GALNTL6: variants seen among roughly 807,000 people sequenced by gnomAD.
GALNTL6 encodes the protein polypeptide N-acetylgalactosaminyltransferase-like 6.
A neutral mutation model predicts 73.7 loss-of-function variants in GALNTL6; 46 were observed. The ratio of observed to expected loss-of-function variants is 0.62; its 90% confidence interval spans 0.49 to 0.80. The LOEUF is 0.80. Among genes scored for constraint, GALNTL6 ranks in the 30% least tolerant of loss-of-function variants. GALNTL6 has a pLI of 0.00. For synonymous variants in GALNTL6, 259 were observed against 263.7 expected (o/e 0.98, Z 0.17); for missense variants, 604 against 755.0 (o/e 0.80, Z 2.34).
At chr4:172,166,960 T>C (rs932216773) in intron 2 of GALNTL6, among the ~76,000 whole-genome samples, 11 of 152,178 alleles carry the variant, frequency 7.2e-5, no homozygotes, top group African/African-American at 2.7e-4. Context: ...AACAGAGCAT[T>C]GGAGTAGGAA....
At chr4:172,472,897 T>C (rs1472183462) in intron 5 of GALNTL6, among the ~76,000 whole-genome samples, 3 of 152,172 alleles carry the variant, frequency 2.0e-5, no homozygotes, top group Non-Finnish European at 4.4e-5. Context: ...CCCCATTTTA[T>C]GGTACTTTGT....
At position 172,327,083 on chromosome 4, in the gene GALNTL6, A is replaced by G. The variant is rs1307354911; in HGVS notation, c.386+15331A>G. Among the ~76,000 whole-genome samples the G allele has an allele frequency of 2.0e-5, 3 of 152,062 alleles. No individual in the cohort carries two copies. In the East Asian group the frequency reaches 5.8e-4, roughly 29 times the overall value. On this transcript the variant is annotated intron_variant, in intron 4 of 12. Transcript: ENST00000506823. Reference sequence around the variant, plus strand: ...CGATTAGATTAATATTTTTAAGTGAATAGATACTAATAAAAGTTACTTTAA... The same window carrying G: ...CGATTAGATTAATATTTTTAAGTGAGTAGATACTAATAAAAGTTACTTTAA...
chr4:171,985,476 G>A (rs1005883269), intron 2 of GALNTL6, among the ~76,000 whole-genome samples: 2 of 152,130 alleles, frequency 1.3e-5, no homozygotes, highest in Non-Finnish European at 2.9e-5. Flanking sequence ...TGAGATTTGG[G>A]TGAGGACACA....
intron 5 of GALNTL6, among the ~76,000 whole-genome samples, chr4:172,547,438 C>G (rs1027688686): frequency 6.6e-6 from 1 of 152,144 alleles, no homozygotes; most frequent in African/African-American, 2.4e-5. Flanking sequence ...CTGCCACTCT[C>G]TGTGGGCCAC....
At chr4:172,045,017 G>A (rs1189420305) in intron 2 of GALNTL6, among the ~76,000 whole-genome samples, 2 of 151,956 alleles carry the variant, frequency 1.3e-5, no homozygotes, top group African/African-American at 4.8e-5. Context: ...ATCACCAACT[G>A]TAATTTAAAT....
At chr4:172,717,839 T>G (rs191600712) in intron 5 of GALNTL6, among the ~76,000 whole-genome samples, 1 of 152,176 alleles carries the variant, frequency 6.6e-6, no homozygotes, top group Non-Finnish European at 1.5e-5. Flanking sequence ...CCTACGAGAC[T>G]TTAAAGGATA....
At chr4:172,349,413 T>C (rs913114865) in intron 5 of GALNTL6, among the ~76,000 whole-genome samples, 1 of 152,172 alleles carries the variant, frequency 6.6e-6, no homozygotes, top group Non-Finnish European at 1.5e-5. Context: ...GACAGTAAAA[T>C]ATTTTGATTG....
At chr4:172,375,082 A>G (rs1282198590) in intron 5 of GALNTL6, among the ~76,000 whole-genome samples, 2 of 152,096 alleles carry the variant, frequency 1.3e-5, no homozygotes, top group African/African-American at 2.4e-5. Context: ...GGCAGGGGAG[A>G]TTAGAGGAGG....
intron 10 of GALNTL6, among the ~76,000 whole-genome samples, chr4:172,959,515 AG>A (rs967252851): frequency 2.0e-5 from 3 of 152,054 alleles, no homozygotes; most frequent in Non-Finnish European, 4.4e-5. Context: ...ATGTGGAGTG[AG>A]TAGACTCCAT....
rs139744778 is a variant in GALNTL6, at chr4:172,764,405, A to T, written c.554-44956A>T. 3.2e-4 allele frequency among the ~76,000 whole-genome samples: 48 copies of T among 152,288 alleles called. 1 individual carries two copies. Among genetic ancestry groups the T allele is most frequent in the African/African-American group, 1.1e-3 (45 of 41,590 alleles). ...TTTTTGCCTTTGTCTAATAATTTTC[A>T]TGCTAGAATCTATCTTAAGGAAATA... is the stretch of plus-strand genomic sequence containing the variant. On this transcript the variant is annotated intron_variant, in intron 5 of 12. Coordinates refer to ENST00000506823, the MANE Select transcript of GALNTL6 (RefSeq NM_001034845.3).
intron 5 of GALNTL6, among the ~76,000 whole-genome samples, chr4:172,365,653 G>T (rs375838149): frequency 1.3e-5 from 2 of 150,928 alleles, no homozygotes; most frequent in East Asian, 3.9e-4. Flanking sequence ...CTTATCTCCA[G>T]AGCCCTTCTT....
intron 2 of GALNTL6, among the ~76,000 whole-genome samples, chr4:172,019,352 T>A (rs1191847667): frequency 5.9e-5 from 9 of 152,038 alleles, no homozygotes. Flanking sequence ...TTTTTTTCCA[T>A]AGAGTGATTT....
At chr4:172,907,996 T>C (rs1396784808) in intron 8 of GALNTL6, among the ~76,000 whole-genome samples, 5 of 152,158 alleles carry the variant, frequency 3.3e-5, no homozygotes, top group African/African-American at 1.2e-4. Flanking sequence ...TATGAGTTAT[T>C]TGAACACAAG....
At chr4:172,194,388 C>T (rs551357655) in intron 2 of GALNTL6, among the ~76,000 whole-genome samples, 1 of 152,128 alleles carries the variant, frequency 6.6e-6, no homozygotes, top group African/African-American at 2.4e-5. Context: ...CTTCACGATA[C>T]CATCCAGGCG....
At chr4:171,960,976 C>T (rs1739203857) in intron 2 of GALNTL6, among the ~76,000 whole-genome samples, 1 of 151,998 alleles carries the variant, frequency 6.6e-6, no homozygotes, top group South Asian at 2.1e-4. Flanking sequence ...AACTTGCTTT[C>T]ACATTACTCT....
At chr4:172,738,714 G>T (rs1347567040) in intron 5 of GALNTL6, among the ~76,000 whole-genome samples, 4 of 152,150 alleles carry the variant, frequency 2.6e-5, no homozygotes, top group Admixed American at 2.6e-4. Flanking sequence ...ACGTGCCCAA[G>T]GTGGTTGGGG....
intron 5 of GALNTL6, among the ~76,000 whole-genome samples, chr4:172,716,525 C>T (rs898108790): frequency 6.6e-6 from 1 of 152,110 alleles, no homozygotes; most frequent in Non-Finnish European, 1.5e-5. Flanking sequence ...CCCAGTCGCT[C>T]CCTTGGGTGG....
At chr4:172,618,084 A>G (rs1254588606) in intron 5 of GALNTL6, among the ~76,000 whole-genome samples, 1 of 152,216 alleles carries the variant, frequency 6.6e-6, no homozygotes, top group Non-Finnish European at 1.5e-5. Context: ...TTTATACCAA[A>G]TTTCAATGTA....
intron 5 of GALNTL6, among the ~76,000 whole-genome samples, chr4:172,764,264 T>C (rs572612390): frequency 6.6e-6 from 1 of 152,294 alleles, no homozygotes; most frequent in South Asian, 2.1e-4. Flanking sequence ...GCCAGTGTTA[T>C]TTTTTTCTAA....
Sources: allele counts gnomAD v4.1 joint callset (sites outside exome capture counted in the v4.1 genomes callset), GRCh38; gene constraint gnomAD v4.1.1; transcripts MANE v1.5; gene names NCBI Gene and HGNC (gene_info 2026-07-23, HGNC 2026-07-21).